Variants in KCNIP4 observed in about 807,000 individuals in gnomAD.
KCNIP4 encodes the protein potassium voltage-gated channel interacting protein 4, also known as Kv channel-interacting protein 4.
KCNIP4 carries 12 observed loss-of-function variants against 34.0 expected under a neutral mutation model. The observed-to-expected ratio is 0.35, with a 90% CI of 0.23 to 0.57. KCNIP4 has a LOEUF of 0.57. Among genes scored for constraint, KCNIP4 ranks in the 20% least tolerant of loss-of-function variants. The pLI is 0.83. For missense variants in KCNIP4, 238 were observed against 311.7 expected (o/e 0.76, Z 1.78); for synonymous variants, 124 against 102.2 (o/e 1.21, Z -1.29).
At chr4:21,790,346 C>A (rs753159179) in intron 1 of KCNIP4, among the ~76,000 whole-genome samples, 1 of 152,078 alleles carries the variant, frequency 6.6e-6, no homozygotes. Context: ...GAAATCTAAG[C>A]AACCACTTTA....
intron 1 of KCNIP4, among the ~76,000 whole-genome samples, chr4:21,722,773 C>T (rs1298672117): frequency 1.3e-5 from 2 of 152,108 alleles, no homozygotes; most frequent in Non-Finnish European, 2.9e-5. Flanking sequence ...TGTATTATTG[C>T]TGCCATTTTA....
At chr4:21,657,667 C>T (rs1245269412) in intron 1 of KCNIP4, among the ~76,000 whole-genome samples, 1 of 152,144 alleles carries the variant, frequency 6.6e-6, no homozygotes, top group Non-Finnish European at 1.5e-5. Context: ...ATGAGAATAA[C>T]AGGACTCTGA....
At chr4:21,417,812 C>T (rs997609552) in intron 1 of KCNIP4, among the ~76,000 whole-genome samples, 4 of 152,292 alleles carry the variant, frequency 2.6e-5, no homozygotes, top group South Asian at 4.1e-4. Flanking sequence ...TACAGTAGAT[C>T]TTGGGACATC....
chr4:21,461,276 C>T (rs970260053), intron 1 of KCNIP4, among the ~76,000 whole-genome samples: 4 of 152,154 alleles, frequency 2.6e-5, no homozygotes, highest in Non-Finnish European at 1.5e-5. Context: ...TCACCTTCTG[C>T]CATGATTGTA....
At chr4:20,930,778 G>C (rs1340213906) in intron 1 of KCNIP4, among the ~76,000 whole-genome samples, 1 of 151,428 alleles carries the variant, frequency 6.6e-6, no homozygotes, top group Non-Finnish European at 1.5e-5. Flanking sequence ...CTAATCATTA[G>C]GGAAACACAA....
intron 1 of KCNIP4, among the ~76,000 whole-genome samples, chr4:21,770,215 G>A (rs1480093721): frequency 6.6e-6 from 1 of 152,090 alleles, no homozygotes; most frequent in Non-Finnish European, 1.5e-5. Flanking sequence ...TGAGAACGTG[G>A]TGTTTGGTTT....
At position 21,519,607 on chromosome 4, in the gene KCNIP4, T is replaced by C. The variant is rs776251459; in HGVS notation, c.61+428964A>G. Among the ~76,000 whole-genome samples, 110 of 35,622 alleles carry C rather than the reference T, an allele frequency of 3.1e-3. 13 individuals are homozygous for C. Among genetic ancestry groups the C allele is most frequent in the South Asian group, 5.7e-3 (5 of 876 alleles). 23.4% of individuals were successfully genotyped at this position (35,622 alleles called of 152,430 possible). A position where few individuals can be genotyped will look rare whatever the true frequency, so the allele number is the denominator to read the frequency against. On this transcript the variant is annotated intron_variant, in intron 1 of 8. Transcript: ENST00000382152. Reference sequence around the variant, plus strand: ...GTGTATGTATGTGTATATATACACATATGTGTGTGTATGTATGTGTATATA... The same window carrying C: ...GTGTATGTATGTGTATATATACACACATGTGTGTGTATGTATGTGTATATA...
intron 1 of KCNIP4, among the ~76,000 whole-genome samples, chr4:21,415,647 A>G (rs935020852): frequency 6.6e-6 from 1 of 152,090 alleles, no homozygotes; most frequent in African/African-American, 2.4e-5. Context: ...GGTTGTAGTG[A>G]GCTGAGAGTG....
At chr4:21,868,559 G>A (rs1207325458) in intron 1 of KCNIP4, among the ~76,000 whole-genome samples, 1 of 152,132 alleles carries the variant, frequency 6.6e-6, no homozygotes, top group Non-Finnish European at 1.5e-5. Context: ...GCAACCTCTA[G>A]TATTTGATAG....
chr4:20,748,159 T>C (rs1030904950), intron 5 of KCNIP4, among the ~76,000 whole-genome samples: 2 of 152,146 alleles, frequency 1.3e-5, no homozygotes, highest in African/African-American at 4.8e-5. Context: ...TCCTACAAGA[T>C]AGTCCAATCT....
chr4:21,577,353 C>A (rs1043883312), intron 1 of KCNIP4, among the ~76,000 whole-genome samples: 1 of 152,056 alleles, frequency 6.6e-6, no homozygotes, highest in South Asian at 2.1e-4. Flanking sequence ...ATTCCAGCTG[C>A]GCACTGTGGC....
At chr4:21,215,492 C>G (rs1757491504) in intron 1 of KCNIP4, among the ~76,000 whole-genome samples, 1 of 152,212 alleles carries the variant, frequency 6.6e-6, no homozygotes, top group South Asian at 2.1e-4. Context: ...ATCACTTTCT[C>G]AGAAGCCTTT....
intron 1 of KCNIP4, among the ~76,000 whole-genome samples, chr4:20,939,501 G>C (rs564338228): frequency 6.6e-6 from 1 of 152,146 alleles, no homozygotes; most frequent in Non-Finnish European, 1.5e-5. Flanking sequence ...AGTCTCCTGA[G>C]TATCTGGGAT....
In KCNIP4 at chr4:20,749,695, A is replaced by G; in HGVS notation, c.396T>C (p.Phe132=). Residue 132 remains phenylalanine (F), a synonymous_variant, in exon 5 of 9, where the codon TTT becomes TTC. Coordinates refer to ENST00000382152, the MANE Select transcript of KCNIP4 (RefSeq NM_025221.6). ...TCACAGCTCCATTGTGGTCTGTATCAAATGCATTGAACAGAAAATGTGCAT... is the reference window on the plus strand; with the variant it reads ...TCACAGCTCCATTGTGGTCTGTATCGAATGCATTGAACAGAAAATGTGCAT... ...TTYAHFLFNA[F]DTDHNGAVSF... 6.2e-7 allele frequency: 1 copy of G among 1,610,056 alleles called. No homozygotes were observed. The highest frequency in any genetic ancestry group is 1.7e-5 in the Admixed American group (1 of 59,930).
chr4:21,344,758 T>A (rs980094213), intron 1 of KCNIP4, among the ~76,000 whole-genome samples: 1 of 152,114 alleles, frequency 6.6e-6, no homozygotes, highest in Non-Finnish European at 1.5e-5. Context: ...AAAGTAACAA[T>A]ATTGATTACT....
intron 1 of KCNIP4, among the ~76,000 whole-genome samples, chr4:21,484,422 C>T (rs996175823): frequency 1.0e-4 from 15 of 150,016 alleles, no homozygotes; most frequent in South Asian, 2.2e-4. Flanking sequence ...AGCGAAACTC[C>T]GTCACAATAA....
At chr4:21,770,212 G>A (rs545821499) in intron 1 of KCNIP4, among the ~76,000 whole-genome samples, 46 of 152,146 alleles carry the variant, frequency 3.0e-4, no homozygotes, top group African/African-American at 8.7e-4. Flanking sequence ...GAGTGAGAAC[G>A]TGGTGTTTGG....
chr4:21,333,669 AT>A (rs1351600993), intron 1 of KCNIP4, among the ~76,000 whole-genome samples: 2 of 151,680 alleles, frequency 1.3e-5, no homozygotes, highest in African/African-American at 2.4e-5. Flanking sequence ...TAACCATTAA[AT>A]TTTTTTCCAC....
chr4:21,697,639 C>T, intron 1 of KCNIP4: 2 of 1,322,506 alleles, frequency 1.5e-6, no homozygotes, highest in Non-Finnish European at 1.9e-6. Context: ...ACAGCTACAA[C>T]AGTAACAGGG....
Sources: gnomAD v4.1 joint callset for allele counts (sites outside exome capture counted in the v4.1 genomes callset) on GRCh38, gnomAD v4.1.1 for gene constraint, MANE v1.5 for transcripts, NCBI Gene and HGNC (gene_info 2026-07-23, HGNC 2026-07-21) for gene names.